Variants in ATR observed in about 807,000 individuals in gnomAD.
The protein encoded by ATR is serine/threonine-protein kinase ATR.
ATR carries 142 observed loss-of-function variants against 305.3 expected under a neutral mutation model. The ratio of observed to expected loss-of-function variants is 0.47; its 90% CI spans 0.41 to 0.53. The LOEUF is 0.53. Ranked by LOEUF, ATR falls within the 20% of genes least tolerant of loss-of-function variation. The probability of loss-of-function intolerance (pLI) is 0.00; values close to 1 mark genes in which losing one functional copy is unlikely to be tolerated. For missense variants in ATR, 2,135 were observed against 3,133.1 expected (o/e 0.68, Z 7.60); for synonymous variants, 1,050 against 1,068.1 (o/e 0.98, Z 0.33).
intron 27 of ATR, 141 bp from the exon 28 acceptor site, chr3:142,508,250 C>A (rs1179684649): frequency 1.4e-6 from 1 of 706,406 alleles, no homozygotes; most frequent in African/African-American, 1.8e-5. Context: ...ATGTAACTAA[C>A]AACAGAACAA....
chr3:142,553,578 G>T, intron 12 of ATR, 62 bp downstream of exon 12: 1 of 1,500,488 alleles, frequency 6.7e-7, no homozygotes, highest in Non-Finnish European at 9.2e-7. Flanking sequence ...TTAACAGCAA[G>T]CAAATAAAAA....
chr3:142,475,738 T>C (rs1242832640), intron 36 of ATR, among the ~76,000 whole-genome samples: 11 of 152,208 alleles, frequency 7.2e-5, no homozygotes, highest in African/African-American at 2.7e-4. Context: ...TTCCTATTTC[T>C]CCACATCCTC....
chr3:142,536,556 C>G (rs1469310612), intron 19 of ATR, among the ~76,000 whole-genome samples: 1 of 152,184 alleles, frequency 6.6e-6, no homozygotes, highest in Non-Finnish European at 1.5e-5. Flanking sequence ...GTTAAAAATG[C>G]CTGCAAGTTT....
At chr3:142,493,346 T>G (rs1013382136) in intron 34 of ATR, 35 bp from the exon 35 acceptor site, 2 of 1,561,804 alleles carry the variant, frequency 1.3e-6, no homozygotes, top group Middle Eastern at 1.7e-4. Context: ...GCCTTTTAAT[T>G]TAAAAACATA....
At chr3:142,564,189 A>G (rs2034982062) in intron 3 of ATR, among the ~76,000 whole-genome samples, 1 of 152,204 alleles carries the variant, frequency 6.6e-6, no homozygotes, top group Non-Finnish European at 1.5e-5. Flanking sequence ...TACAACGTAA[A>G]CATAACTTTT....
At chr3:142,513,474 A>G (rs1220119607) in intron 26 of ATR, 27 bp downstream of exon 26, 1 of 1,611,956 alleles carries the variant, frequency 6.2e-7, no homozygotes, top group Non-Finnish European at 8.5e-7. Flanking sequence ...CACATGTTCA[A>G]AAACCAAGTA....
At chr3:142,568,223 A>G (rs1039603528) in intron 1 of ATR, 69 bp from the exon 2 acceptor site, 3 of 1,181,540 alleles carry the variant, frequency 2.5e-6, no homozygotes, top group African/African-American at 1.5e-5. Context: ...AAATTTCTCT[A>G]AAGTAGAACT....
intron 21 of ATR, among the ~76,000 whole-genome samples, chr3:142,525,329 T>C (rs2033328603): frequency 6.6e-6 from 1 of 152,202 alleles, no homozygotes; most frequent in Non-Finnish European, 1.5e-5. Context: ...GTTGGGCTAC[T>C]ATATTCTCAT....
At chr3:142,462,658 C>T (rs2071045467) in intron 41 of ATR, among the ~76,000 whole-genome samples, 1 of 151,996 alleles carries the variant, frequency 6.6e-6, no homozygotes, top group African/African-American at 2.4e-5. Context: ...TTAGTAGAGA[C>T]AGGGTTTCAC....
intron 36 of ATR, among the ~76,000 whole-genome samples, chr3:142,476,311 C>G (rs1258860496): frequency 6.6e-6 from 1 of 152,068 alleles, no homozygotes; most frequent in Middle Eastern, 3.2e-3. Flanking sequence ...TTTCTACATA[C>G]AGCTAGCCAG....
intron 2 of ATR, among the ~76,000 whole-genome samples, 177 bp downstream of exon 2, chr3:142,567,886 T>C (rs1450731853): frequency 6.6e-6 from 1 of 152,220 alleles, no homozygotes; most frequent in East Asian, 1.9e-4. Context: ...AAAAGCCTAA[T>C]TCAAATTTTG....
At chr3:142,561,190 T>A in intron 5 of ATR, 53 bp downstream of exon 5, 1 of 1,576,820 alleles carries the variant, frequency 6.3e-7, no homozygotes. Context: ...TTTTTAAAAG[T>A]GAACAAAGTT....
At chr3:142,543,923 G>A (rs1016789049) in intron 16 of ATR, among the ~76,000 whole-genome samples, 3 of 151,928 alleles carry the variant, frequency 2.0e-5, no homozygotes, top group Admixed American at 2.0e-4. Context: ...CTCCTGCTTT[G>A]GCCTCTCAGA....
intron 34 of ATR, 44 bp from the exon 35 acceptor site, chr3:142,493,355 T>C (rs2031404699): frequency 1.3e-6 from 2 of 1,531,596 alleles, no homozygotes; most frequent in South Asian, 1.2e-5. Context: ...TTTAAAAACA[T>C]ACTTCTATTT....
At chr3:142,567,732 T>G (rs1270645376) in intron 2 of ATR, among the ~76,000 whole-genome samples, 1 of 152,198 alleles carries the variant, frequency 6.6e-6, no homozygotes, top group Non-Finnish European at 1.5e-5. Flanking sequence ...TTGCTATTAG[T>G]CTACCACTGG....
At position 142,562,394 on chromosome 3, in the gene ATR, C is replaced by T. The variant is rs746279628; in HGVS notation, c.1008G>A (p.Arg336=). ...CTGCTTTTAGCAAATCAGACTTAAG[C>T]CGCATGAGCACACCGTCTTCAAACA... ...CVMFEDGVLM[R]LKSDLLKAAL... The change falls in exon 4 of 47, where the codon CGG becomes CGA. Residue 336 remains arginine (R), a synonymous_variant. Transcript: ENST00000350721. The T allele has an allele frequency of 1.9e-6, 3 of 1,614,116 alleles. 1 individual carries two copies. The highest frequency in any genetic ancestry group is 2.2e-5 in the East Asian group (1 of 44,878).
chr3:142,510,463 A>G (rs2032494782), intron 27 of ATR, among the ~76,000 whole-genome samples: 1 of 152,216 alleles, frequency 6.6e-6, no homozygotes, highest in South Asian at 2.1e-4. Context: ...TAGTCTCAAA[A>G]AAAGAAAAAA....
Position 142,547,950 on chromosome 3 carries a change from A to C in ATR, c.3172-40T>G, listed in dbSNP as rs374134838. On this transcript the variant is annotated intron_variant, in intron 15 of 46. Transcript: ENST00000350721. ...TGTTAAAAAAAATTTTTTTCTTCAT[A>C]CTAATATCCTGGAAATAAGTATACT... The C allele has an allele frequency of 9.0e-6, 14 of 1,555,974 alleles. No individual in the cohort carries two copies. The African/African-American group carries it at 1.5e-4, about 17-fold the overall frequency.
intron 19 of ATR, among the ~76,000 whole-genome samples, chr3:142,537,483 A>G (rs1290294694): frequency 6.6e-6 from 1 of 152,190 alleles, no homozygotes; most frequent in African/African-American, 2.4e-5. Flanking sequence ...GGTACTTGAA[A>G]AGTAGTCCCA....
Sources: allele counts gnomAD v4.1 joint callset (sites outside exome capture counted in the v4.1 genomes callset), GRCh38; gene constraint gnomAD v4.1.1; transcripts MANE v1.5; gene names NCBI Gene and HGNC (gene_info 2026-07-23, HGNC 2026-07-21).